AHCYL1: variants seen among roughly 807,000 people sequenced by gnomAD.
AHCYL1 encodes adenosylhomocysteinase like 1.
AHCYL1 carries 20 observed loss-of-function variants against 79.3 expected under a neutral mutation model. That is an observed-to-expected ratio of 0.25 (90% CI 0.18 to 0.37). AHCYL1 has a LOEUF of 0.37. Ranked by LOEUF, AHCYL1 falls within the 10% of genes least tolerant of loss-of-function variation. The pLI, the probability that AHCYL1 is intolerant of heterozygous loss-of-function variation, is 1.00. For missense variants in AHCYL1, 330 were observed against 673.6 expected, an observed-to-expected ratio of 0.49 and a Z score of 5.65; for synonymous variants, 223 against 242.2, an observed-to-expected ratio of 0.92 and a Z score of 0.74.
intron 1 of AHCYL1, among the ~76,000 whole-genome samples, chr1:110,008,832 T>C (rs544498062): frequency 1.3e-5 from 2 of 152,254 alleles, no homozygotes; most frequent in Admixed American, 6.5e-5. Context: ...GCAGAAACAA[T>C]TGGGAAGAGA....
intron 15 of AHCYL1, among the ~76,000 whole-genome samples, chr1:110,020,379 T>C (rs758178390): frequency 6.6e-6 from 1 of 152,144 alleles, no homozygotes; most frequent in Non-Finnish European, 1.5e-5. Flanking sequence ...TATAATCTAG[T>C]TAAGGAGGTT....
intron 6 of AHCYL1, 122 bp from the exon 7 acceptor site, chr1:110,015,303 A>G: frequency 1.3e-6 from 1 of 758,600 alleles, no homozygotes; most frequent in Non-Finnish European, 2.3e-6. Context: ...TGCTCTAGGG[A>G]GCTCTGAGGA....
At chr1:110,000,387 AT>A (rs986510852) in intron 1 of AHCYL1, among the ~76,000 whole-genome samples, 1 of 152,172 alleles carries the variant, frequency 6.6e-6, no homozygotes, top group African/African-American at 2.4e-5. Flanking sequence ...AGAATGGAAC[AT>A]TTTGTTACCA....
chr1:109,985,077 C>T lies in AHCYL1; in HGVS notation c.25C>T (p.Leu9=). 6.2e-7 allele frequency: 1 copy of T among 1,605,270 alleles called. No individual in the cohort carries two copies. Residue 9 remains leucine (L), a synonymous_variant, in exon 1 of 17, where the codon CTG becomes TTG. Transcript: ENST00000369799. The part of the protein sequence containing the change: MSMPDAMP[L]PGVGEELKQA... ...AATGTCGATGCCTGACGCGATGCCG[C>T]TGCCCGGGGTCGGGGAGGAGCTGAA...
At chr1:110,005,351 A>T (rs919922021) in intron 1 of AHCYL1, among the ~76,000 whole-genome samples, 6 of 152,250 alleles carry the variant, frequency 3.9e-5, no homozygotes, top group African/African-American at 1.4e-4. Flanking sequence ...AACCTAAGTT[A>T]AACAATATCC....
At chr1:110,018,055 A>G in intron 11 of AHCYL1, 39 bp downstream of exon 11, 1 of 1,606,024 alleles carries the variant, frequency 6.2e-7, no homozygotes, top group Non-Finnish European at 8.5e-7. Context: ...TTCAGAGGCT[A>G]AATCTTGAAA....
intron 1 of AHCYL1, among the ~76,000 whole-genome samples, chr1:109,989,599 C>T (rs550038081): frequency 1.2e-4 from 18 of 152,104 alleles, no homozygotes; most frequent in Non-Finnish European, 1.8e-4. Flanking sequence ...GCCTGTGACT[C>T]CTAGCAAGTG....
At chr1:109,995,677 T>C in intron 1 of AHCYL1, 1 of 985,446 alleles carries the variant, frequency 1.0e-6, no homozygotes. Context: ...AGATCAGCAC[T>C]TCTCATTCTG....
chr1:110,017,477 C>G lies in AHCYL1; in HGVS notation c.964-18C>G. On this transcript the variant is annotated intron_variant, in intron 9 of 16. Coordinates refer to ENST00000369799, the MANE Select transcript of AHCYL1 (RefSeq NM_006621.7). ...GACTTAATGAACCTAACGACTTGACCTTTCTTTTGTTCTGCAGGTAGGCAA... is the reference window on the plus strand; with the variant it reads ...GACTTAATGAACCTAACGACTTGACGTTTCTTTTGTTCTGCAGGTAGGCAA... 6.2e-7 allele frequency: 1 copy of G among 1,613,156 alleles called. No individual in the cohort carries two copies.
chr1:110,002,916 C>T (rs1389944471), intron 1 of AHCYL1, among the ~76,000 whole-genome samples: 1 of 152,174 alleles, frequency 6.6e-6, no homozygotes, highest in African/African-American at 2.4e-5. Context: ...AGGAAACCCT[C>T]TGAAAAATTC....
intron 7 of AHCYL1, 120 bp from the exon 8 acceptor site, chr1:110,016,224 A>G (rs1191314206): frequency 1.8e-5 from 12 of 658,226 alleles, no homozygotes; most frequent in Middle Eastern, 2.5e-4. Flanking sequence ...TCCTTGGGCA[A>G]TAAATGAGAC....
At chr1:110,010,620 C>CT (rs1345386010) in intron 2 of AHCYL1, among the ~76,000 whole-genome samples, 2 of 152,276 alleles carry the variant, frequency 1.3e-5, no homozygotes, top group African/African-American at 4.8e-5. Flanking sequence ...CCTTGTAAGA[C>CT]TATCTTATCA....
chr1:109,985,227 C>T (rs911063395), intron 1 of AHCYL1, 55 bp downstream of exon 1: 60 of 1,568,016 alleles, frequency 3.8e-5, no homozygotes, highest in Middle Eastern at 3.6e-4. Flanking sequence ...GCGGAAGGGA[C>T]GCGAGCAAGC....
Position 110,005,770 on chromosome 1 carries a change from A to AAT in AHCYL1, c.121-3263_121-3262insTA, listed in dbSNP as rs560107181. 5.3e-5 allele frequency among the ~76,000 whole-genome samples: 8 copies of AAT among 152,284 alleles called. No individual in the cohort carries two copies. In the South Asian group the frequency reaches 1.5e-3, roughly 28 times the overall value. ...TCAGCTTCTAATGGTAAAAAAAAAA[A>AAT]AAATCAATTAGGATCAACTAAAGGA... On this transcript the variant is annotated intron_variant, in intron 1 of 16. Transcript: ENST00000369799.
At chr1:109,993,090 T>C (rs987703500) in intron 1 of AHCYL1, among the ~76,000 whole-genome samples, 1 of 151,818 alleles carries the variant, frequency 6.6e-6, no homozygotes. Context: ...GCTCAGGAAC[T>C]TAACACACAT....
chr1:110,006,632 C>T (rs1303177969), intron 1 of AHCYL1, among the ~76,000 whole-genome samples: 1 of 152,142 alleles, frequency 6.6e-6, no homozygotes, highest in Non-Finnish European at 1.5e-5. Flanking sequence ...AGATACTTCA[C>T]CAAGAGAAAA....
chr1:109,993,428 C>A (rs151067687), intron 1 of AHCYL1, among the ~76,000 whole-genome samples: 74 of 152,220 alleles, frequency 4.9e-4, no homozygotes, highest in African/African-American at 1.7e-3. Context: ...TTATATAGTA[C>A]CTGGCACATA....
chr1:110,013,191 C>T (rs1651166745), intron 5 of AHCYL1, among the ~76,000 whole-genome samples, 192 bp downstream of exon 5: 1 of 152,106 alleles, frequency 6.6e-6, no homozygotes, highest in African/African-American at 2.4e-5. Context: ...ATTATGTAGT[C>T]ATTAAAAATG....
At chr1:109,994,584 C>T (rs537720490) in intron 1 of AHCYL1, among the ~76,000 whole-genome samples, 6 of 152,306 alleles carry the variant, frequency 3.9e-5, no homozygotes, top group East Asian at 1.9e-4. Flanking sequence ...CCACTGCACC[C>T]GGCAAATTTT....
Sources: allele counts gnomAD v4.1 joint callset (sites outside exome capture counted in the v4.1 genomes callset), GRCh38; gene constraint gnomAD v4.1.1; transcripts MANE v1.5; gene names NCBI Gene and HGNC (gene_info 2026-07-23, HGNC 2026-07-21).